The following KCNMA1 variants were observed in gnomAD, a reference collection of about 807,000 sequenced individuals.
The protein encoded by KCNMA1 is Calcium-activated potassium channel subunit alpha-1.
KCNMA1 carries 29 observed loss-of-function variants against 140.0 expected under a neutral mutation model. That is an observed-to-expected ratio of 0.21 (90% CI 0.15 to 0.28). KCNMA1 has a LOEUF of 0.28. Among genes scored for constraint, KCNMA1 ranks in the 10% least tolerant of loss-of-function variants. KCNMA1 has a pLI of 1.00. For missense variants in KCNMA1, 880 were observed against 1,602.2 expected, an observed-to-expected ratio of 0.55 and a Z score of 7.70; for synonymous variants, 612 against 611.9, an observed-to-expected ratio of 1.00 and a Z score of 0.00.
intron 1 of KCNMA1, chr10:77,636,803 C>T: frequency 6.9e-7 from 1 of 1,445,794 alleles, no homozygotes; most frequent in Non-Finnish European, 9.0e-7. Flanking sequence ...ACTCATCTCC[C>T]CAACAGGTTC....
intron 13 of KCNMA1, among the ~76,000 whole-genome samples, chr10:77,076,945 T>A (rs1357552755): frequency 2.0e-5 from 3 of 152,162 alleles, no homozygotes; most frequent in Non-Finnish European, 4.4e-5. Context: ...GTGACATGAC[T>A]TTACAGGCAC....
At chr10:77,051,927 T>A (rs1003053681) in intron 14 of KCNMA1, among the ~76,000 whole-genome samples, 70 of 152,230 alleles carry the variant, frequency 4.6e-4, no homozygotes, top group African/African-American at 1.7e-3. Context: ...CAGATGAGCA[T>A]GTGTTCTAAC....
chr10:77,324,194 C>T (rs1251249650), intron 2 of KCNMA1, among the ~76,000 whole-genome samples: 3 of 152,172 alleles, frequency 2.0e-5, no homozygotes, highest in Non-Finnish European at 2.9e-5. Context: ...GCCCACTCTC[C>T]AGACCTGTCC....
At chr10:77,209,478 T>C (rs113928157) in intron 3 of KCNMA1, among the ~76,000 whole-genome samples, 1,630 of 152,338 alleles carry the variant, frequency 0.011, 36 homozygotes, top group African/African-American at 0.037. Flanking sequence ...TCTGAAGTTC[T>C]AGGTTCAGAT....
intron 5 of KCNMA1, among the ~76,000 whole-genome samples, chr10:77,134,719 C>T (rs113823086): frequency 0.011 from 1,608 of 152,090 alleles, 32 homozygotes; most frequent in African/African-American, 0.037. Context: ...TGAAGAGAGG[C>T]GGGGCGCAGT....
chr10:76,967,616 A>C (rs781483875), intron 20 of KCNMA1, among the ~76,000 whole-genome samples: 28 of 152,190 alleles, frequency 1.8e-4, no homozygotes, highest in Non-Finnish European at 3.4e-4. Context: ...GGACATAGAA[A>C]GACGTGGTAA....
chr10:77,027,431 C>T (rs2093561796), intron 16 of KCNMA1, among the ~76,000 whole-genome samples: 1 of 152,160 alleles, frequency 6.6e-6, no homozygotes, highest in African/African-American at 2.4e-5. Flanking sequence ...CCCCTCACAG[C>T]TCTACCCCAA....
intron 5 of KCNMA1, among the ~76,000 whole-genome samples, chr10:77,171,009 A>C (rs1373757147): frequency 6.6e-6 from 1 of 152,226 alleles, no homozygotes; most frequent in Non-Finnish European, 1.5e-5. Flanking sequence ...ATTTAGGAGC[A>C]CAAAATAGCA....
chr10:77,379,610 A>T (rs2095309304), intron 2 of KCNMA1, among the ~76,000 whole-genome samples: 1 of 151,966 alleles, frequency 6.6e-6, no homozygotes, highest in African/African-American at 2.4e-5. Flanking sequence ...CAATAATAAA[A>T]TTAGAACTAA....
At chr10:77,574,367 T>G (rs1236656828) in intron 1 of KCNMA1, among the ~76,000 whole-genome samples, 1 of 152,190 alleles carries the variant, frequency 6.6e-6, no homozygotes, top group Non-Finnish European at 1.5e-5. Context: ...ACACACAATG[T>G]GTGCTTTAAC....
intron 19 of KCNMA1, chr10:76,980,461 C>A (rs1302806780): frequency 1.3e-5 from 2 of 152,216 alleles, no homozygotes; most frequent in Non-Finnish European, 2.9e-5. Flanking sequence ...TGTGACATAA[C>A]CAGGGGGCTG....
At chr10:77,022,082 A>G (rs1470880102) in intron 16 of KCNMA1, among the ~76,000 whole-genome samples, 1 of 152,188 alleles carries the variant, frequency 6.6e-6, no homozygotes, top group African/African-American at 2.4e-5. Context: ...TACTATCTTT[A>G]GAATTCGTTA....
intron 2 of KCNMA1, among the ~76,000 whole-genome samples, chr10:77,386,029 CT>C (rs926368944): frequency 8.5e-5 from 13 of 152,314 alleles, no homozygotes; most frequent in Admixed American, 2.0e-4. Flanking sequence ...TGTAATATGT[CT>C]CCCCGAGTTT....
chr10:77,311,644 G>A (rs748465654), intron 2 of KCNMA1, among the ~76,000 whole-genome samples: 31 of 152,124 alleles, frequency 2.0e-4, no homozygotes, highest in Non-Finnish European at 4.0e-4. Flanking sequence ...AAGCGAGCTG[G>A]GCCAGAGATG....
Position 77,005,235 on chromosome 10 carries a change from T to C in KCNMA1, c.2093-3655A>G, listed in dbSNP as rs529010191. Among the ~76,000 whole-genome samples, 5 of 152,312 alleles carry C rather than the reference T, an allele frequency of 3.3e-5. No individual in the cohort carries two copies. The South Asian group carries it at 6.2e-4, about 19-fold the overall frequency. On this transcript the variant is annotated intron_variant, in intron 18 of 27. Transcript: ENST00000286628. The stretch of plus-strand genomic sequence containing the variant: ...TGCTGTCTCTGAGAATTGAAATATA[T>C]GCAGTGTCATTTCAATTCAATGGCT...
chr10:77,238,787 G>T (rs1040508995), intron 3 of KCNMA1, among the ~76,000 whole-genome samples: 10 of 152,188 alleles, frequency 6.6e-5, no homozygotes, highest in African/African-American at 2.4e-4. Flanking sequence ...CATCTTAAGA[G>T]AATAGAAATC....
At chr10:76,936,254 A>G (rs1394887681) in intron 23 of KCNMA1, among the ~76,000 whole-genome samples, 1 of 152,120 alleles carries the variant, frequency 6.6e-6, no homozygotes, top group African/African-American at 2.4e-5. Flanking sequence ...CCTAAGCCAG[A>G]TTTTCTTTAT....
chr10:77,001,664 C>T (rs1052701459), intron 18 of KCNMA1, 84 bp from the exon 19 acceptor site: 23 of 1,142,822 alleles, frequency 2.0e-5, no homozygotes, highest in Non-Finnish European at 2.8e-5. Context: ...TGGAAGGGAG[C>T]TGAAGGGATT....
At chr10:77,190,185 C>T (rs930523311) in intron 3 of KCNMA1, among the ~76,000 whole-genome samples, 3 of 152,148 alleles carry the variant, frequency 2.0e-5, no homozygotes, top group Non-Finnish European at 4.4e-5. Flanking sequence ...ATTGACCTCT[C>T]CCATCTCTGA....
Sources: gnomAD v4.1 joint callset for allele counts (sites outside exome capture counted in the v4.1 genomes callset) on GRCh38, gnomAD v4.1.1 for gene constraint, MANE v1.5 for transcripts, NCBI Gene and HGNC (gene_info 2026-07-23, HGNC 2026-07-21) for gene names.